Variants in ZNF813 observed in about 807,000 individuals in gnomAD.
ZNF813 encodes zinc finger protein 813.
ZNF813 carries 3 observed loss-of-function variants against 7.2 expected under a neutral mutation model. The ratio of observed to expected loss-of-function variants is 0.42; its 90% CI spans 0.19 to 1.08. The LOEUF is 1.08. Ranked by LOEUF, ZNF813 falls within the 50% of genes least tolerant of loss-of-function variation. The pLI is 0.30. For synonymous variants in ZNF813, 227 were observed against 256.3 expected (o/e 0.89, Z 1.09); for missense variants, 714 against 753.3 (o/e 0.95, Z 0.61).
rs1410804904 is a variant in ZNF813, at chr19:53,493,006, A to G, written c.*920A>G. 4.7e-6 allele frequency: 2 copies of G among 428,916 alleles called. No individual in the cohort carries two copies. Among genetic ancestry groups the G allele is most frequent in the Non-Finnish European group, 9.4e-6 (2 of 213,712 alleles). 26.6% of individuals were successfully genotyped at this position (428,916 alleles called of 1,614,324 possible). On this transcript the variant is annotated 3_prime_UTR_variant, in exon 4 of 4. Transcript: ENST00000396403. The stretch of plus-strand genomic sequence containing the variant: ...TTTTCAGTCTGACTTCACTCCTTGC[A>G]GAATATCAGAAAATTCATTTTGAGA...
Position 53,492,105 on chromosome 19 carries a change from C to G in ZNF813, c.*19C>G. 1 of 1,600,286 alleles carries G rather than the reference C, an allele frequency of 6.2e-7. No individual in the cohort carries two copies. Among genetic ancestry groups the G allele is most frequent in the Non-Finnish European group, 8.5e-7 (1 of 1,173,050 alleles). ...TAATTGAAAAGCAAAGCTTGCACAT[C>G]ATCATACAATTCATACTGGAAAGAA... On this transcript the variant is annotated 3_prime_UTR_variant, in exon 4 of 4. Coordinates refer to ENST00000396403, the MANE Select transcript of ZNF813 (RefSeq NM_001004301.4).
intron 3 of ZNF813, chr19:53,488,304 T>G: frequency 4.4e-6 from 2 of 453,624 alleles, no homozygotes; most frequent in Non-Finnish European, 8.8e-6. Flanking sequence ...ATTACAGGTG[T>G]GAACCACCGC....
In ZNF813 at chr19:53,490,852, A is replaced by G. The variant is rs1391878298; in HGVS notation, c.620A>G (p.Glu207Gly). ...RNSSLLTQKQ[E>G]VHMREKSFQC... The stretch of plus-strand genomic sequence containing the variant: ...TCTTCGTTACTCACACAAAAACAGG[A>G]GGTACACATGAGAGAAAAGTCTTTC... Residue 207 changes from glutamate (E) to glycine (G), a missense_variant, in exon 4 of 4, where the codon GAG (glutamate) becomes GGG (glycine). Glu to Gly is a moderately conservative substitution (Grantham distance 98, BLOSUM62 -2). Transcript: ENST00000396403. 1 of 1,614,228 alleles carries G rather than the reference A, an allele frequency of 6.2e-7. No homozygotes were observed. Among genetic ancestry groups the G allele is most frequent in the South Asian group, 1.1e-5 (1 of 91,084 alleles).
In ZNF813 at chr19:53,493,733, A is replaced by G. The variant is rs2086474378; in HGVS notation, c.*1647A>G. The G allele has an allele frequency of 6.6e-6, 1 of 152,226 alleles. No individual in the cohort carries two copies. The highest frequency in any genetic ancestry group is 2.4e-5 in the African/African-American group (1 of 41,450). The allele number at this position is 152,226 out of a possible 1,614,324, so 9.4% of individuals were successfully genotyped here. On this transcript the variant is annotated 3_prime_UTR_variant, in exon 4 of 4. Coordinates refer to ENST00000396403, the MANE Select transcript of ZNF813 (RefSeq NM_001004301.4). ...TTCTACACAGAAGATCATGTCATCT[A>G]CAAACACATATAATTTTACTTCTTT... is the stretch of plus-strand genomic sequence containing the variant.
chr19:53,494,616 C>G lies in ZNF813; in HGVS notation c.*2530C>G, dbSNP rs980637044. 1.3e-5 allele frequency: 2 copies of G among 149,710 alleles called. No individual in the cohort carries two copies. Among genetic ancestry groups the G allele is most frequent in the Non-Finnish European group, 3.0e-5 (2 of 67,778 alleles). The allele number at this position is 149,710 out of a possible 1,614,324, so 9.3% of individuals were successfully genotyped here. ...CGAGATTGCACCATTGCACTCCAGC[C>G]TGGTCAACAAGAGCGAAACTCTGTC... On this transcript the variant is annotated 3_prime_UTR_variant, in exon 4 of 4. Coordinates refer to ENST00000396403, the MANE Select transcript of ZNF813 (RefSeq NM_001004301.4).
Position 53,492,832 on chromosome 19 carries a change from T to C in ZNF813, c.*746T>C. 1 of 483,594 alleles carries C rather than the reference T, an allele frequency of 2.1e-6. No homozygotes were observed. The highest frequency in any genetic ancestry group is 1.5e-5 in the South Asian group (1 of 64,900). 30.0% of individuals were successfully genotyped at this position (483,594 alleles called of 1,614,324 possible). On this transcript the variant is annotated 3_prime_UTR_variant, in exon 4 of 4. Coordinates refer to ENST00000396403, the MANE Select transcript of ZNF813 (RefSeq NM_001004301.4). Reference sequence around the variant, plus strand: ...AGGCAAGGTCTTCAGTCAAGCTTCATCCTATGCAAAACATAGGAGAATTCA... The same window carrying C: ...AGGCAAGGTCTTCAGTCAAGCTTCACCCTATGCAAAACATAGGAGAATTCA...
chr19:53,485,676 T>C (rs1423916711), intron 2 of ZNF813, among the ~76,000 whole-genome samples: 1 of 151,744 alleles, frequency 6.6e-6, no homozygotes, highest in African/African-American at 2.4e-5. Context: ...ACACACACAA[T>C]GGATTTTCAT....
In ZNF813 at chr19:53,490,418, A is replaced by G. The variant is rs2086453669; in HGVS notation, c.186A>G (p.Ala62=). 1 of 1,613,938 alleles carries G rather than the reference A, an allele frequency of 6.2e-7. No homozygotes were observed. Among genetic ancestry groups the G allele is most frequent in the African/African-American group, 1.3e-5 (1 of 74,880 alleles). ...TGATGAAGGAGTTCTCATCAACAGC[A>G]CAAGGCAATAGAGAAGTGATCCACA... The part of the protein sequence containing the change: ...KCMMKEFSST[A]QGNREVIHTG... The change falls in exon 4 of 4, where the codon GCA becomes GCG. Residue 62 remains alanine (A), a synonymous_variant. Transcript: ENST00000396403.
At chr19:53,490,241 C>A in intron 3 of ZNF813, 134 bp from the exon 4 acceptor site, 1 of 1,053,868 alleles carries the variant, frequency 9.5e-7, no homozygotes, top group Non-Finnish European at 1.4e-6. Flanking sequence ...GAATCTTACG[C>A]TTTTGTGTTC....
rs372615123 is a variant in ZNF813 at position 53,495,792 on chromosome 19, C to CAA, written c.*3714_*3715dup. On this transcript the variant is annotated 3_prime_UTR_variant, in exon 4 of 4. Coordinates refer to ENST00000396403, the MANE Select transcript of ZNF813 (RefSeq NM_001004301.4). ...GGGCAATAAGAGCAAAACTTTGTCT[C>CAA]AAAAAAAAATAAATAAATAAAAAAT... 8.8e-4 allele frequency: 132 copies of CAA among 149,762 alleles called. No homozygotes were observed. Among genetic ancestry groups the CAA allele is most frequent in the Non-Finnish European group, 1.6e-3 (110 of 68,268 alleles). The allele number at this position is 149,762 out of a possible 1,614,324, so 9.3% of individuals were successfully genotyped here.
At chr19:53,485,592 A>G (rs866371533) in intron 2 of ZNF813, among the ~76,000 whole-genome samples, 1 of 141,144 alleles carries the variant, frequency 7.1e-6, no homozygotes, top group Non-Finnish European at 1.6e-5. Context: ...TGACATATGT[A>G]TGTCATGATA....
intron 3 of ZNF813, among the ~76,000 whole-genome samples, chr19:53,487,456 A>G (rs2086439607): frequency 6.6e-6 from 1 of 152,060 alleles, no homozygotes. Flanking sequence ...CCAAGGCTAC[A>G]GTTCAGTGGT....
At position 53,492,667 on chromosome 19, in the gene ZNF813, C is replaced by T. The variant is rs2086469593; in HGVS notation, c.*581C>T. The T allele has an allele frequency of 2.4e-6, 2 of 833,890 alleles. No homozygotes were observed. Among genetic ancestry groups the T allele is most frequent in the South Asian group, 2.6e-5 (2 of 77,508 alleles). The allele number at this position is 833,890 out of a possible 1,614,324, so 51.7% of individuals were successfully genotyped here. A position where few individuals can be genotyped will look rare whatever the true frequency, so the allele number is the denominator to read the frequency against. On this transcript the variant is annotated 3_prime_UTR_variant, in exon 4 of 4. Coordinates refer to ENST00000396403, the MANE Select transcript of ZNF813 (RefSeq NM_001004301.4). ...CACCAAGTCTTCAGTAACGCTACAA[C>T]CATTGCAAATCATTGGAGAACCCAT...
intron 1 of ZNF813, among the ~76,000 whole-genome samples, chr19:53,471,909 T>C (rs1231474654): frequency 6.6e-6 from 1 of 151,976 alleles, no homozygotes; most frequent in Non-Finnish European, 1.5e-5. Flanking sequence ...CTTAAGGCCA[T>C]TGGTCTCCTA....
At chr19:53,485,665 TAC>T (rs577155833) in intron 2 of ZNF813, among the ~76,000 whole-genome samples, 7 of 151,784 alleles carry the variant, frequency 4.6e-5, no homozygotes, top group Admixed American at 3.3e-4. Flanking sequence ...TATATACACA[TAC>T]ACACACAATG....
intron 1 of ZNF813, among the ~76,000 whole-genome samples, chr19:53,469,768 C>T (rs2086347021): frequency 6.7e-6 from 1 of 149,798 alleles, no homozygotes; most frequent in Non-Finnish European, 1.5e-5. Flanking sequence ...GCAGGGAGGA[C>T]ACCTGGGGAT....
intron 3 of ZNF813, among the ~76,000 whole-genome samples, chr19:53,487,533 C>T (rs1004309727): frequency 1.3e-5 from 2 of 152,132 alleles, no homozygotes; most frequent in Non-Finnish European, 2.9e-5. Flanking sequence ...CCCAGTGGCT[C>T]ATGCCTGTAA....
At chr19:53,469,482 GAGAA>G (rs2086345251) in intron 1 of ZNF813, among the ~76,000 whole-genome samples, 1 of 152,120 alleles carries the variant, frequency 6.6e-6, no homozygotes. Context: ...AGAAAAGAAT[GAGAA>G]AGACTCATAA....
rs1029062188 is a variant in ZNF813 at position 53,492,581 on chromosome 19, C to G, written c.*495C>G. On this transcript the variant is annotated 3_prime_UTR_variant, in exon 4 of 4. Transcript: ENST00000396403. ...GTCTGGCAAAGCCTTAATGAGCAGT[C>G]AACACTTACTCACCATCAGGCAATC... is the stretch of plus-strand genomic sequence containing the variant. 1.3e-5 allele frequency: 8 copies of G among 621,310 alleles called. No homozygotes were observed. In the African/African-American group the frequency reaches 1.5e-4, roughly 12 times the overall value. The allele number at this position is 621,310 out of a possible 1,614,324, so 38.5% of individuals were successfully genotyped here.
Sources: gnomAD v4.1 joint callset for allele counts (sites outside exome capture counted in the v4.1 genomes callset) on GRCh38, gnomAD v4.1.1 for gene constraint, MANE v1.5 for transcripts, NCBI Gene and HGNC (gene_info 2026-07-23, HGNC 2026-07-21) for gene names.